DTHD1: variants seen among roughly 807,000 people sequenced by gnomAD.
DTHD1 encodes death domain containing 1.
Under a neutral mutation model 74.8 loss-of-function variants are expected in DTHD1, and 59 were observed. The observed-to-expected ratio is 0.79, with a 90% confidence interval of 0.64 to 0.98. The LOEUF (loss-of-function observed/expected upper bound fraction) is 0.98. Among genes scored for constraint, DTHD1 ranks in the 50% least tolerant of loss-of-function variants. The pLI is 0.00. For missense variants in DTHD1, 1,051 were observed against 1,065.4 expected, an observed-to-expected ratio of 0.99 and a Z score of 0.19; for synonymous variants, 365 against 371.1, an observed-to-expected ratio of 0.98 and a Z score of 0.19.
chr4:36,310,289 T>G (rs10021650), intron 7 of DTHD1, among the ~76,000 whole-genome samples: 60,926 of 151,728 alleles, frequency 0.4, 14,901 homozygotes, highest in African/African-American at 0.7. Context: ...GACTAAAGAG[T>G]TCAAAGGAAA....
At chr4:36,314,747 G>GTTTTT (rs747523259) in intron 7 of DTHD1, among the ~76,000 whole-genome samples, 20 of 98,002 alleles carry the variant, frequency 2.0e-4, no homozygotes, top group East Asian at 3.0e-4. Flanking sequence ...AACAATCTGA[G>GTTTTT]TTTTTTTTTT....
intron 7 of DTHD1, among the ~76,000 whole-genome samples, chr4:36,314,767 TTTTGC>T (rs1260888078): frequency 4.3e-5 from 6 of 138,436 alleles, no homozygotes; most frequent in East Asian, 2.0e-4. Context: ...TTTTTTTTTT[TTTTGC>T]ATGCAAATTC....
In DTHD1 at chr4:36,342,574, C is replaced by T. The variant is rs939786179; in HGVS notation, c.2399-928C>T. 5.3e-5 allele frequency among the ~76,000 whole-genome samples: 8 copies of T among 151,984 alleles called. No individual in the cohort carries two copies. The East Asian group carries it at 7.7e-4, about 15-fold the overall frequency. On this transcript the variant is annotated intron_variant, in intron 9 of 9. Coordinates refer to ENST00000639862, the MANE Select transcript of DTHD1 (RefSeq NM_001170700.3). ...CAGGTGAACAGGAGTCAACAGAGGACGGCCCAGTGGAAAGTGTTGGTGTAA... is the reference window on the plus strand; with the variant it reads ...CAGGTGAACAGGAGTCAACAGAGGATGGCCCAGTGGAAAGTGTTGGTGTAA...
At chr4:36,287,604 C>T (rs963424309) in intron 2 of DTHD1, among the ~76,000 whole-genome samples, 4 of 152,202 alleles carry the variant, frequency 2.6e-5, no homozygotes, top group African/African-American at 7.2e-5. Context: ...TTCCCACACA[C>T]AGTGTAAAAG....
intron 3 of DTHD1, among the ~76,000 whole-genome samples, chr4:36,292,411 A>C (rs1756136207): frequency 6.6e-6 from 1 of 152,242 alleles, no homozygotes; most frequent in African/African-American, 2.4e-5. Context: ...AGTAAGAAAA[A>C]CATTTTAAAC....
At chr4:36,283,276 G>C (rs998828260) in intron 1 of DTHD1, among the ~76,000 whole-genome samples, 2 of 152,156 alleles carry the variant, frequency 1.3e-5, no homozygotes, top group African/African-American at 2.4e-5. Flanking sequence ...ATTTGATCAT[G>C]CTAAGAGTTT....
At chr4:36,285,354 C>A (rs1485810120) in intron 2 of DTHD1, among the ~76,000 whole-genome samples, 1 of 152,072 alleles carries the variant, frequency 6.6e-6, no homozygotes, top group Non-Finnish European at 1.5e-5. Context: ...TCAAGAAAAT[C>A]ATTATGAGTT....
intron 5 of DTHD1, among the ~76,000 whole-genome samples, chr4:36,297,882 G>A (rs1756531441): frequency 6.6e-6 from 1 of 151,854 alleles, no homozygotes; most frequent in Admixed American, 6.6e-5. Flanking sequence ...GATCTAGGGG[G>A]GATTTCTTTT....
intron 6 of DTHD1, among the ~76,000 whole-genome samples, chr4:36,306,877 T>G (rs183463705): frequency 3.9e-5 from 6 of 152,364 alleles, no homozygotes; most frequent in Non-Finnish European, 7.3e-5. Context: ...ATGATTGTCT[T>G]GAATCCAGTT....
rs1315726874 is a variant in DTHD1, at chr4:36,282,592, T to G, written c.271+563T>G. ...GAGGGATTCTTGGGAATAGGTCCAG[T>G]TATGGATGTGGAAAAGTACAGTAAG... On this transcript the variant is annotated intron_variant, in intron 1 of 9. Transcript: ENST00000639862. 2.6e-5 allele frequency among the ~76,000 whole-genome samples: 4 copies of G among 152,130 alleles called. No homozygotes were observed. The East Asian group carries it at 5.8e-4, about 22-fold the overall frequency.
At chr4:36,303,240 A>G (rs987361384) in intron 5 of DTHD1, among the ~76,000 whole-genome samples, 3 of 152,236 alleles carry the variant, frequency 2.0e-5, no homozygotes, top group Non-Finnish European at 1.5e-5. Context: ...ATTAGCATAT[A>G]TTAAGGAAAT....
intron 3 of DTHD1, among the ~76,000 whole-genome samples, chr4:36,292,515 A>G (rs1756142095): frequency 6.6e-6 from 1 of 152,226 alleles, no homozygotes; most frequent in Non-Finnish European, 1.5e-5. Context: ...TCTATCAAAT[A>G]TGATTGAAGT....
intron 2 of DTHD1, among the ~76,000 whole-genome samples, chr4:36,287,890 T>G (rs937357970): frequency 2.6e-5 from 4 of 152,230 alleles, no homozygotes; most frequent in Admixed American, 1.3e-4. Context: ...ATTAGTCCTT[T>G]GTCGGATATA....
rs554891211 is a variant in DTHD1 at position 36,297,594 on chromosome 4, A to G, written c.1643+2555A>G. ...AAAAGGGTTTTGGTTATTGCTACCA[A>G]TAACCAAATAACCAGAGAGTGTTAT... On this transcript the variant is annotated intron_variant, in intron 5 of 9. Transcript: ENST00000639862. Among the ~76,000 whole-genome samples the G allele has an allele frequency of 2.0e-5, 3 of 152,280 alleles. 1 individual carries two copies. In the South Asian group the frequency reaches 6.2e-4, roughly 32 times the overall value.
chr4:36,339,109 T>C lies in DTHD1; in HGVS notation c.2341-3T>C, dbSNP rs1332051436. 2 of 1,545,874 alleles carry C rather than the reference T, an allele frequency of 1.3e-6. No homozygotes were observed. Among genetic ancestry groups the C allele is most frequent in the African/African-American group, 2.7e-5 (2 of 72,912 alleles). ...TTTATTTTGTGTTCCTTTCCCCCAA[T>C]AGCATAAGAAATTAATCAACCGTCC... is the stretch of plus-strand genomic sequence containing the variant. On this transcript the variant is annotated splice_polypyrimidine_tract_variant and splice_region_variant and intron_variant, in intron 8 of 9. Coordinates refer to ENST00000639862, the MANE Select transcript of DTHD1 (RefSeq NM_001170700.3).
At chr4:36,282,918 G>A (rs1755482181) in intron 1 of DTHD1, among the ~76,000 whole-genome samples, 1 of 152,056 alleles carries the variant, frequency 6.6e-6, no homozygotes, top group Non-Finnish European at 1.5e-5. Context: ...AATATAACAA[G>A]CAAATATATA....
intron 8 of DTHD1, among the ~76,000 whole-genome samples, chr4:36,326,076 A>G (rs1758326037): frequency 6.6e-6 from 1 of 151,992 alleles, no homozygotes. Flanking sequence ...ACATTTCCCC[A>G]ACTAACATAT....
chr4:36,319,016 T>A (rs1041746943), intron 8 of DTHD1, among the ~76,000 whole-genome samples: 9 of 152,208 alleles, frequency 5.9e-5, no homozygotes, highest in Non-Finnish European at 1.5e-5. Flanking sequence ...TGCTTCTTTA[T>A]CATTCAGGGC....
rs1759569992 is a variant in DTHD1, at chr4:36,346,109, A to T, written c.*2285A>T. Reference sequence around the variant, plus strand: ...TTCACATACATAAATACATGTGCACACACACACACCCCTCACACACATATA... The same window carrying T: ...TTCACATACATAAATACATGTGCACTCACACACACCCCTCACACACATATA... On this transcript the variant is annotated 3_prime_UTR_variant, in exon 10 of 10. Transcript: ENST00000639862. 6.6e-6 allele frequency among the ~76,000 whole-genome samples: 1 copy of T among 152,030 alleles called. No individual in the cohort carries two copies. Among genetic ancestry groups the T allele is most frequent in the Non-Finnish European group, 1.5e-5 (1 of 67,992 alleles).
Sources: allele counts gnomAD v4.1 joint callset (sites outside exome capture counted in the v4.1 genomes callset), GRCh38; gene constraint gnomAD v4.1.1; transcripts MANE v1.5; gene names NCBI Gene and HGNC (gene_info 2026-07-23, HGNC 2026-07-21).